Variants in TRAF7 observed in about 807,000 individuals in gnomAD.
TRAF7 encodes the protein E3 ubiquitin-protein ligase TRAF7.
In TRAF7, 45 loss-of-function variants were observed where a neutral mutation model predicts 89.3. The ratio of observed to expected loss-of-function variants is 0.50; its 90% CI spans 0.40 to 0.65. The LOEUF (loss-of-function observed/expected upper bound fraction) is 0.65. Ranked by LOEUF, TRAF7 falls within the 30% of genes least tolerant of loss-of-function variation. The pLI, the probability that TRAF7 is intolerant of heterozygous loss-of-function variation, is 0.00. For missense variants in TRAF7, 677 were observed against 918.1 expected, an observed-to-expected ratio of 0.74 and a Z score of 3.39; for synonymous variants, 406 against 369.2, an observed-to-expected ratio of 1.10 and a Z score of -1.14.
At position 2,168,195 on chromosome 16, in the gene TRAF7, G is replaced by A. The variant is rs770107148; in HGVS notation, c.231+27G>A. On this transcript the variant is annotated intron_variant, in intron 4 of 20. Transcript: ENST00000326181. This position sits in a 1 kb window ranked among gnomAD's most constrained non-coding sequence, Gnocchi z 4.1. ...TAGGTCCCTACCCCCAGGAGCCCGTGTGAGCCTCAGCCTCCCCCCATCCTC... is the reference window on the plus strand; with the variant it reads ...TAGGTCCCTACCCCCAGGAGCCCGTATGAGCCTCAGCCTCCCCCCATCCTC... 37 of 1,581,600 alleles carry A rather than the reference G, an allele frequency of 2.3e-5. No homozygotes were observed. The African/African-American group carries it at 4.2e-4, about 18-fold the overall frequency.
intron 17 of TRAF7, 57 bp from the exon 18 acceptor site, chr16:2,175,773 TGCGG>T: frequency 6.2e-7 from 1 of 1,602,376 alleles, no homozygotes; most frequent in Non-Finnish European, 8.5e-7. Context: ...GCCCTGGGGG[TGCGG>T]GGGCCCTGGG....
At position 2,163,842 on chromosome 16, in the gene TRAF7, G is replaced by A; in HGVS notation, c.-38-41G>A. ...AGCCCGTCTGACTCACAGGGGCCTGGGCTCCATCTCTCAAGCCCCTCATTT... is the reference window on the plus strand; with the variant it reads ...AGCCCGTCTGACTCACAGGGGCCTGAGCTCCATCTCTCAAGCCCCTCATTT... On this transcript the variant is annotated intron_variant, in intron 1 of 20. Transcript: ENST00000326181. This position sits in a 1 kb window ranked among gnomAD's most constrained non-coding sequence, Gnocchi z 4.3. 7.6e-7 allele frequency: 1 copy of A among 1,317,442 alleles called. No homozygotes were observed. Among genetic ancestry groups the A allele is most frequent in the South Asian group, 1.2e-5 (1 of 81,208 alleles). 81.6% of individuals were successfully genotyped at this position (1,317,442 alleles called of 1,614,324 possible).
rs1006569508 is a variant in TRAF7 at position 2,159,158 on chromosome 16, G to C, written c.-39+3300G>C. Among the ~76,000 whole-genome samples the C allele has an allele frequency of 6.6e-6, 1 of 152,204 alleles. No homozygotes were observed. ...CCCTCCCTGGAGCAGAGGGAGATAC[G>C]GACGCTGGAGAGGCTTGGCCAGGGC... On this transcript the variant is annotated intron_variant, in intron 1 of 20. Coordinates refer to ENST00000326181, the MANE Select transcript of TRAF7 (RefSeq NM_032271.3). The surrounding 1 kb of genome is among the most constrained non-coding windows in gnomAD (Gnocchi z 6.5).
rs1445286426 is a variant in TRAF7, at chr16:2,158,282, A to G, written c.-39+2424A>G. On this transcript the variant is annotated intron_variant, in intron 1 of 20. Coordinates refer to ENST00000326181, the MANE Select transcript of TRAF7 (RefSeq NM_032271.3). This position sits in a 1 kb window ranked among gnomAD's most constrained non-coding sequence, Gnocchi z 4.7. Reference sequence around the variant, plus strand: ...GTGGAGAGGGACCCACCAACCCCTTAGTCTTTGACAGATCCGCTGCTGTCC... The same window carrying G: ...GTGGAGAGGGACCCACCAACCCCTTGGTCTTTGACAGATCCGCTGCTGTCC... Among the ~76,000 whole-genome samples, 1 of 152,150 alleles carries G rather than the reference A, an allele frequency of 6.6e-6. No homozygotes were observed. Among genetic ancestry groups the G allele is most frequent in the African/African-American group, 2.4e-5 (1 of 41,424 alleles).
chr16:2,173,857 G>GCGGGGGGCCC, intron 12 of TRAF7, 21 bp downstream of exon 12: 1 of 1,607,510 alleles, frequency 6.2e-7, no homozygotes, highest in South Asian at 1.1e-5. Context: ...ACCCGCCGTG[G>GCGGGGGGCCC]CTCCCGCCCA....
chr16:2,167,311 C>T (rs1430358510), intron 3 of TRAF7, among the ~76,000 whole-genome samples: 1 of 152,110 alleles, frequency 6.6e-6, no homozygotes, highest in Non-Finnish European at 1.5e-5. Context: ...GGCCCAGTCA[C>T]ACGGCAGCCT....
In TRAF7 at chr16:2,160,110, C is replaced by T. The variant is rs751624237; in HGVS notation, c.-38-3773C>T. On this transcript the variant is annotated intron_variant, in intron 1 of 20. Coordinates refer to ENST00000326181, the MANE Select transcript of TRAF7 (RefSeq NM_032271.3). ...GAGGCGCTGAGGAAGACTTCCACTTCCTTATTGCACAGTGGGTGCCCCCAG... is the reference window on the plus strand; with the variant it reads ...GAGGCGCTGAGGAAGACTTCCACTTTCTTATTGCACAGTGGGTGCCCCCAG... Among the ~76,000 whole-genome samples the T allele has an allele frequency of 2.0e-5, 3 of 152,224 alleles. No individual in the cohort carries two copies. The South Asian group carries it at 6.2e-4, about 32-fold the overall frequency.
Position 2,163,823 on chromosome 16 carries a change from T to C in TRAF7, c.-38-60T>C. ...AGGTCTGCACACTTGCAGCAGCCCG[T>C]CTGACTCACAGGGGCCTGGGCTCCA... On this transcript the variant is annotated intron_variant, in intron 1 of 20. Coordinates refer to ENST00000326181, the MANE Select transcript of TRAF7 (RefSeq NM_032271.3). This position sits in a 1 kb window ranked among gnomAD's most constrained non-coding sequence, Gnocchi z 4.3. 8.8e-7 allele frequency: 1 copy of C among 1,133,992 alleles called. No homozygotes were observed. The highest frequency in any genetic ancestry group is 2.0e-5 in the Admixed American group (1 of 50,814). 70.2% of individuals were successfully genotyped at this position (1,133,992 alleles called of 1,614,324 possible).
chr16:2,164,157 TGTGC>T (rs1358042222), intron 2 of TRAF7, among the ~76,000 whole-genome samples, 156 bp downstream of exon 2: 95 of 126,508 alleles, frequency 7.5e-4, no homozygotes, highest in Admixed American at 1.9e-3. Context: ...TGTGTGTGTG[TGTGC>T]GCGCGCGCGC....
chr16:2,162,106 G>A lies in TRAF7; in HGVS notation c.-38-1777G>A, dbSNP rs2093060386. Among the ~76,000 whole-genome samples, 1 of 152,258 alleles carries A rather than the reference G, an allele frequency of 6.6e-6. No individual in the cohort carries two copies. Among genetic ancestry groups the A allele is most frequent in the African/African-American group, 2.4e-5 (1 of 41,474 alleles). On this transcript the variant is annotated intron_variant, in intron 1 of 20. Transcript: ENST00000326181. The surrounding 1 kb of genome is among the most constrained non-coding windows in gnomAD (Gnocchi z 5.0). ...ACCATGGGACGCAAAGATCAGGTGG[G>A]GCCAGGTAGCTCGTGGCGCTGCCAA...
At chr16:2,164,798 T>C (rs1202370057) in intron 2 of TRAF7, among the ~76,000 whole-genome samples, 1 of 46,740 alleles carries the variant, frequency 2.1e-5, no homozygotes, top group Non-Finnish European at 4.0e-5. Context: ...CTGCGTGGCC[T>C]GGCCTGGTCG....
intron 19 of TRAF7, 40 bp from the exon 20 acceptor site, chr16:2,176,225 G>A (rs756988966): frequency 1.3e-5 from 21 of 1,600,560 alleles, no homozygotes; most frequent in Non-Finnish European, 1.7e-5. Flanking sequence ...AGGGCTGGCA[G>A]CTGAGCTCCG....
Position 2,172,201 on chromosome 16 carries a change from C to CA in TRAF7, c.486_487insA (p.Val163SerfsTer42). Reference sequence around the variant, plus strand: ...GCCCTCCTCTCCCAGAGAAGTGTCCCGTGGACAACGTCAAACTGACCGTGG... The same window carrying CA: ...GCCCTCCTCTCCCAGAGAAGTGTCCCAGTGGACAACGTCAAACTGACCGTGG... On this transcript the variant is annotated frameshift_variant, in exon 8 of 21. Coordinates refer to ENST00000326181, the MANE Select transcript of TRAF7 (RefSeq NM_032271.3). LOFTEE classifies it high-confidence loss of function. The CA allele has an allele frequency of 6.2e-7, 1 of 1,613,030 alleles. No individual in the cohort carries two copies. Among genetic ancestry groups the CA allele is most frequent in the Non-Finnish European group, 8.5e-7 (1 of 1,179,964 alleles).
Position 2,163,676 on chromosome 16 carries a change from C to T in TRAF7, c.-38-207C>T, listed in dbSNP as rs1176543713. ...CTTGAGGGACGGTGACGCAGAGCCG[C>T]CTGCCTGCCCGGGCCTCTGCATACC... On this transcript the variant is annotated intron_variant, in intron 1 of 20. Transcript: ENST00000326181. This position sits in a 1 kb window ranked among gnomAD's most constrained non-coding sequence, Gnocchi z 4.3. The T allele has an allele frequency of 1.8e-6, 1 of 560,578 alleles. No homozygotes were observed. Among genetic ancestry groups the T allele is most frequent in the Non-Finnish European group, 3.2e-6 (1 of 311,944 alleles). The allele number at this position is 560,578 out of a possible 1,614,324, so 34.7% of individuals were successfully genotyped here.
In TRAF7 at chr16:2,175,953, C is replaced by T. The variant is rs750559892; in HGVS notation, c.1746C>T (p.His582=). ...GTGGCACCTACGAGAACCTCATCCA[C>T]GTAAGGCCTGGGCATCTGGGTGCAA... is the stretch of plus-strand genomic sequence containing the variant. ...IVCGTYENLI[H]VWDIESKEQV... Residue 582 remains histidine, a splice_region_variant and synonymous_variant, in exon 18 of 21, where the codon CAC becomes CAT. Transcript: ENST00000326181. 74 of 1,613,086 alleles carry T rather than the reference C, an allele frequency of 4.6e-5. No homozygotes were observed. In the South Asian group the frequency reaches 6.0e-4, roughly 13 times the overall value.
In TRAF7 at chr16:2,163,879, A is replaced by T. The variant is rs764933133; in HGVS notation, c.-38-4A>T. 72 of 1,574,426 alleles carry T rather than the reference A, an allele frequency of 4.6e-5. No individual in the cohort carries two copies. The highest frequency in any genetic ancestry group is 5.4e-5 in the Non-Finnish European group (62 of 1,149,544). The stretch of plus-strand genomic sequence containing the variant: ...CAAGCCCCTCATTTGTGCTCCACCC[A>T]CAGGAGGTGCTTCCCAAGGACCGTA... On this transcript the variant is annotated splice_polypyrimidine_tract_variant and splice_region_variant and intron_variant, in intron 1 of 20. Transcript: ENST00000326181. The surrounding 1 kb of genome is among the most constrained non-coding windows in gnomAD (Gnocchi z 4.3).
At chr16:2,173,080 G>A in intron 9 of TRAF7, 102 bp from the exon 10 acceptor site, 2 of 1,072,340 alleles carry the variant, frequency 1.9e-6, no homozygotes, top group South Asian at 2.8e-5. Flanking sequence ...AGCTGGACCT[G>A]GGGTGCAGCG....
In TRAF7 at chr16:2,161,381, T is replaced by C. The variant is rs1567245713; in HGVS notation, c.-38-2502T>C. Among the ~76,000 whole-genome samples the C allele has an allele frequency of 6.6e-6, 1 of 152,020 alleles. No homozygotes were observed. Among genetic ancestry groups the C allele is most frequent in the Non-Finnish European group, 1.5e-5 (1 of 68,000 alleles). The stretch of plus-strand genomic sequence containing the variant: ...TTTCTGGCTGATTTGCACATTGCCC[T>C]GCGTGCCTTTCTGTTCACCTCACTT... On this transcript the variant is annotated intron_variant, in intron 1 of 20. Transcript: ENST00000326181. This position sits in a 1 kb window ranked among gnomAD's most constrained non-coding sequence, Gnocchi z 5.2.
chr16:2,164,139 G>GGTGTGTGTGTGTGTGTGTGT (rs376580813), intron 2 of TRAF7, 138 bp downstream of exon 2: 283 of 544,148 alleles, frequency 5.2e-4, no homozygotes, highest in South Asian at 1.1e-3. Context: ...GGGGGGGTGT[G>GGTGTGTGTGTGTGTGTGTGT]GTGTGTGTGT....
Sources: gnomAD v4.1 joint callset for allele counts (sites outside exome capture counted in the v4.1 genomes callset) on GRCh38, gnomAD v4.1.1 for gene constraint, Gnocchi (gnomAD v3.1) non-coding constraint, MANE v1.5 for transcripts, NCBI Gene and HGNC (gene_info 2026-07-23, HGNC 2026-07-21) for gene names.